The following DDX42 variants were observed in gnomAD, a reference collection of about 807,000 sequenced individuals.
DDX42 encodes DEAD-box helicase 42, also known as ATP-dependent RNA helicase DDX42.
DDX42 carries 22 observed loss-of-function variants against 101.5 expected under a neutral mutation model. That is an observed-to-expected ratio of 0.22 (90% CI 0.15 to 0.31). The LOEUF (loss-of-function observed/expected upper bound fraction) is 0.31, where lower values mean the gene tolerates loss of function less well. DDX42 is among the 10% of genes least tolerant of loss of function. The pLI, the probability that DDX42 is intolerant of heterozygous loss-of-function variation, is 1.00. For synonymous variants in DDX42, 402 were observed against 401.2 expected, an observed-to-expected ratio of 1.00 and a Z score of -0.02; for missense variants, 849 against 1,199.9, an observed-to-expected ratio of 0.71 and a Z score of 4.32.
chr17:63,797,976 A>C, intron 3 of DDX42, 62 bp from the exon 4 acceptor site: 1 of 1,504,874 alleles, frequency 6.6e-7, no homozygotes, highest in South Asian at 1.2e-5. Context: ...GTTCCAATCT[A>C]AAAATTGTTT....
At chr17:63,779,939 C>T (rs1187675449) in intron 1 of DDX42, among the ~76,000 whole-genome samples, 2 of 152,156 alleles carry the variant, frequency 1.3e-5, no homozygotes, top group African/African-American at 4.8e-5. Flanking sequence ...CTTCTGTCAG[C>T]TATACTCCCA....
In DDX42 at chr17:63,806,602, T is replaced by C. The variant is rs139264003; in HGVS notation, c.794T>C (p.Met265Thr). 308 of 1,613,582 alleles carry C rather than the reference T, an allele frequency of 1.9e-4. 1 individual carries two copies. The highest frequency in any genetic ancestry group is 1.4e-3 in the Admixed American group (84 of 59,878). The change falls in exon 8 of 18, where the codon ATG (methionine) becomes ACG (threonine). Residue 265 changes from methionine to threonine, a missense_variant. Met to Thr is a moderately conservative substitution (Grantham distance 81). This residue lies in a region of DDX42 where 370 missense variants were observed against 608.8 expected (regional missense o/e 0.61). Coordinates refer to ENST00000389924, the MANE Select transcript of DDX42 (RefSeq NM_203499.3). ...CATTTTGGGTTTGACGAACAACTTA[T>C]GCACCAGATTCGGAAATCTGAATAC... ...FAHFGFDEQLMHQIRKSEYTQ... is the reference protein window; with the variant it reads ...FAHFGFDEQLTHQIRKSEYTQ...
intron 1 of DDX42, among the ~76,000 whole-genome samples, chr17:63,777,540 C>T (rs770555184): frequency 2.6e-5 from 4 of 151,190 alleles, no homozygotes; most frequent in Admixed American, 6.6e-5. Flanking sequence ...CTCCGTCTCC[C>T]GGGTTCAAGT....
chr17:63,790,774 C>G (rs1160253412), intron 2 of DDX42, among the ~76,000 whole-genome samples: 1 of 150,678 alleles, frequency 6.6e-6, no homozygotes, highest in Non-Finnish European at 1.5e-5. Flanking sequence ...ACAAAAAGAC[C>G]ACAAAAATTA....
At position 63,787,070 on chromosome 17, in the gene DDX42, T is replaced by C; in HGVS notation, c.21T>C (p.Gly7=). The change falls in exon 2 of 18, where the codon GGT becomes GGC. Residue 7 remains glycine, a synonymous_variant. Coordinates refer to ENST00000389924, the MANE Select transcript of DDX42 (RefSeq NM_203499.3). ...GCACCATGAACTGGAATAAAGGTGGTCCTGGCACTAAGCGAGGATTTGGCT... is the reference window on the plus strand; with the variant it reads ...GCACCATGAACTGGAATAAAGGTGGCCCTGGCACTAAGCGAGGATTTGGCT... The part of the protein sequence containing the change: MNWNKG[G]PGTKRGFGFG... 6.2e-7 allele frequency: 1 copy of C among 1,614,190 alleles called. No individual in the cohort carries two copies. Among genetic ancestry groups the C allele is most frequent in the Non-Finnish European group, 8.5e-7 (1 of 1,180,026 alleles).
intron 1 of DDX42, among the ~76,000 whole-genome samples, chr17:63,779,781 G>T (rs1014037790): frequency 1.3e-5 from 2 of 150,276 alleles, no homozygotes; most frequent in Non-Finnish European, 3.0e-5. Flanking sequence ...ATGGGGTCTC[G>T]CTGTGTTGCC....
chr17:63,790,989 A>G (rs902752225), intron 2 of DDX42, among the ~76,000 whole-genome samples: 4 of 152,232 alleles, frequency 2.6e-5, no homozygotes, highest in Non-Finnish European at 5.9e-5. Context: ...ACATATAGTC[A>G]GTGTTACATT....
At chr17:63,793,747 C>A (rs2039657067) in intron 3 of DDX42, among the ~76,000 whole-genome samples, 1 of 151,878 alleles carries the variant, frequency 6.6e-6, no homozygotes, top group Non-Finnish European at 1.5e-5. Flanking sequence ...TTTTCACATA[C>A]AGAGGTCCTT....
rs1294840100 is a variant in DDX42 at position 63,817,820 on chromosome 17, C to G, written c.2239C>G (p.Gln747Glu). The G allele has an allele frequency of 6.2e-7, 1 of 1,614,182 alleles. No homozygotes were observed. The highest frequency in any genetic ancestry group is 1.6e-4 in the Middle Eastern group (1 of 6,062). ...LNSVPTNSAQ[Q>E]GHNSPDSPVT... ...TTCTGTTCCAACTAACTCAGCACAA[C>G]AGGGCCATAACAGTCCTGACAGCCC... The change falls in exon 18 of 18, where the codon CAG (glutamine) becomes GAG (glutamate). Residue 747 changes from glutamine (Q) to glutamate (E), a missense_variant. Physicochemically the swap from Gln to Glu is conservative, Grantham distance 29 (BLOSUM62 2). Around this residue, in one of 5 missense-constraint regions of DDX42, gnomAD observed 300 missense variants for 304.9 expected, o/e 0.98. Coordinates refer to ENST00000389924, the MANE Select transcript of DDX42 (RefSeq NM_203499.3).
chr17:63,775,114 C>G (rs766981117), intron 1 of DDX42: 13 of 152,630 alleles, frequency 8.5e-5, no homozygotes, highest in Non-Finnish European at 1.5e-4. Context: ...CCAGGACTTC[C>G]TCAAGCGCAG....
intron 6 of DDX42, among the ~76,000 whole-genome samples, chr17:63,801,380 A>G (rs542823389): frequency 6.6e-6 from 1 of 152,002 alleles, no homozygotes; most frequent in Admixed American, 6.5e-5. Flanking sequence ...CAAACTGGGA[A>G]CGTTTTGGCC....
intron 1 of DDX42, among the ~76,000 whole-genome samples, chr17:63,776,998 C>G (rs1463123166): frequency 6.6e-6 from 1 of 152,110 alleles, no homozygotes; most frequent in African/African-American, 2.4e-5. Context: ...CCTGGAACTC[C>G]TGGGTTCAAG....
chr17:63,804,830 CAG>C (rs1313353106), intron 6 of DDX42, among the ~76,000 whole-genome samples: 1 of 152,068 alleles, frequency 6.6e-6, no homozygotes, highest in African/African-American at 2.4e-5. Flanking sequence ...GCCTGGGTGA[CAG>C]AGCGAAACTG....
chr17:63,798,248 A>G lies in DDX42; in HGVS notation c.434+149A>G, dbSNP rs1170228519. The stretch of plus-strand genomic sequence containing the variant: ...ATTCCTGTATCTTGAATACTTTAAG[A>G]ATAGAGATGGCAACAGTCTTTGCAT... On this transcript the variant is annotated intron_variant, in intron 4 of 17. Transcript: ENST00000389924. 3 of 642,662 alleles carry G rather than the reference A, an allele frequency of 4.7e-6. No homozygotes were observed. The African/African-American group carries it at 5.5e-5, about 12-fold the overall frequency. 39.8% of individuals were successfully genotyped at this position (642,662 alleles called of 1,614,324 possible).
rs370666880 is a variant in DDX42 at position 63,789,779 on chromosome 17, G to A, written c.221+2509G>A. On this transcript the variant is annotated intron_variant, in intron 2 of 17. Transcript: ENST00000389924. ...GTAGAGACAGGGATTCTCCGTGTTG[G>A]CCAGGCTGGTTTCAAACTCGTAACC... Among the ~76,000 whole-genome samples the A allele has an allele frequency of 2.7e-5, 4 of 150,160 alleles. 1 individual carries two copies. In the East Asian group the frequency reaches 7.9e-4, roughly 30 times the overall value.
At position 63,819,158 on chromosome 17, in the gene DDX42, A is replaced by T. The variant is rs762488827; in HGVS notation, c.*760A>T. On this transcript the variant is annotated 3_prime_UTR_variant, in exon 18 of 18. Transcript: ENST00000389924. ...GTATTTTTTTTAACTTGCCCCAATG[A>T]TAGAAAAGTCTTTTGCTGAAATGAT... 2 of 152,586 alleles carry T rather than the reference A, an allele frequency of 1.3e-5. No individual in the cohort carries two copies. Among genetic ancestry groups the T allele is most frequent in the Non-Finnish European group, 2.9e-5 (2 of 68,036 alleles). 9.5% of individuals were successfully genotyped at this position (152,586 alleles called of 1,614,324 possible).
At chr17:63,793,714 C>T (rs1426443777) in intron 3 of DDX42, among the ~76,000 whole-genome samples, 1 of 152,058 alleles carries the variant, frequency 6.6e-6, no homozygotes, top group Non-Finnish European at 1.5e-5. Context: ...TATTTGTGAT[C>T]CTTCTTGCCA....
chr17:63,791,475 C>G (rs1314360689), intron 2 of DDX42, among the ~76,000 whole-genome samples: 1 of 152,098 alleles, frequency 6.6e-6, no homozygotes, highest in African/African-American at 2.4e-5. Flanking sequence ...CCATGCCTGG[C>G]TAATTTTGTA....
chr17:63,811,293 T>C, intron 13 of DDX42, 120 bp downstream of exon 13: 1 of 732,072 alleles, frequency 1.4e-6, no homozygotes, highest in Admixed American at 3.5e-5. Flanking sequence ...AGATGCAACA[T>C]GCTTGAGATT....
Sources: gnomAD v4.1 joint callset for allele counts (sites outside exome capture counted in the v4.1 genomes callset) on GRCh38, gnomAD v4.1.1 for gene constraint, gnomAD v4.1.1 regional missense constraint, MANE v1.5 for transcripts, NCBI Gene and HGNC (gene_info 2026-07-23, HGNC 2026-07-21) for gene names.